DCC: variants seen among roughly 807,000 people sequenced by gnomAD.
DCC encodes the protein netrin receptor DCC.
DCC carries 58 observed loss-of-function variants against 172.5 expected under a neutral mutation model. That is an observed-to-expected ratio of 0.34 (90% confidence interval 0.27 to 0.42). The LOEUF (loss-of-function observed/expected upper bound fraction) is 0.42, where lower values mean the gene tolerates loss of function less well. Among genes scored for constraint, DCC ranks in the 10% least tolerant of loss-of-function variants. The probability of loss-of-function intolerance (pLI) is 1.00; values close to 1 mark genes in which losing one functional copy is unlikely to be tolerated. For missense variants in DCC, 1,740 were observed against 1,791.0 expected, an observed-to-expected ratio of 0.97 and a Z score of 0.51; for synonymous variants, 709 against 644.5, an observed-to-expected ratio of 1.10 and a Z score of -1.52.
intron 1 of DCC, among the ~76,000 whole-genome samples, chr18:52,445,115 A>C (rs906405113): frequency 6.6e-6 from 1 of 152,220 alleles, no homozygotes; most frequent in Non-Finnish European, 1.5e-5. Context: ...TATTAGGAGA[A>C]TAAAAGGAGA....
At chr18:53,089,379 C>G (rs1325310951) in intron 7 of DCC, among the ~76,000 whole-genome samples, 1 of 152,056 alleles carries the variant, frequency 6.6e-6, no homozygotes, top group Non-Finnish European at 1.5e-5. Flanking sequence ...AGCCACTGCA[C>G]CCGGCCGTAC....
At chr18:52,435,905 T>C (rs1987778964) in intron 1 of DCC, among the ~76,000 whole-genome samples, 1 of 152,172 alleles carries the variant, frequency 6.6e-6, no homozygotes, top group African/African-American at 2.4e-5. Flanking sequence ...CAATCAAATA[T>C]ACACAATCCT....
chr18:52,407,760 C>T (rs1033550801), intron 1 of DCC, among the ~76,000 whole-genome samples: 2 of 121,190 alleles, frequency 1.7e-5, no homozygotes, highest in African/African-American at 3.2e-5. Context: ...AATCATAATA[C>T]ATTTATAGAA....
intron 2 of DCC, among the ~76,000 whole-genome samples, chr18:52,784,076 A>ATCC (rs2037606638): frequency 6.6e-6 from 1 of 151,824 alleles, no homozygotes; most frequent in South Asian, 2.1e-4. Flanking sequence ...ACCTCTCTTC[A>ATCC]TCCTCCTCCT....
At chr18:53,237,483 T>C (rs1013092103) in intron 12 of DCC, among the ~76,000 whole-genome samples, 1 of 152,174 alleles carries the variant, frequency 6.6e-6, no homozygotes, top group Non-Finnish European at 1.5e-5. Flanking sequence ...CTTTCATCTT[T>C]GATGGTCACA....
intron 22 of DCC, among the ~76,000 whole-genome samples, chr18:53,437,550 T>A (rs1212292045): frequency 8.9e-6 from 1 of 112,584 alleles, no homozygotes; most frequent in East Asian, 3.0e-4. Context: ...ACCACTACAC[T>A]ACAGCCTGGG....
intron 9 of DCC, among the ~76,000 whole-genome samples, chr18:53,196,331 AT>A (rs1308678527): frequency 1.3e-5 from 2 of 152,200 alleles, no homozygotes; most frequent in African/African-American, 2.4e-5. Flanking sequence ...TACAATTTGC[AT>A]TACTAAGCAT....
intron 5 of DCC, among the ~76,000 whole-genome samples, chr18:53,062,484 T>C (rs1298240061): frequency 2.0e-5 from 3 of 152,150 alleles, no homozygotes; most frequent in African/African-American, 7.2e-5. Context: ...TCAGTCAATA[T>C]AATATTTAAA....
intron 14 of DCC, among the ~76,000 whole-genome samples, chr18:53,330,352 C>T (rs367841994): frequency 6.6e-6 from 1 of 152,144 alleles, no homozygotes; most frequent in African/African-American, 2.4e-5. Context: ...CTCCATTTCA[C>T]TCCCTGTCAA....
At chr18:52,656,000 G>T in intron 1 of DCC, among the ~76,000 whole-genome samples, 1 of 140,092 alleles carries the variant, frequency 7.1e-6, no homozygotes, top group Admixed American at 7.4e-5. Flanking sequence ...ATATATATGT[G>T]CGTATATATA....
intron 3 of DCC, among the ~76,000 whole-genome samples, chr18:52,921,225 C>A (rs1200529131): frequency 6.6e-6 from 1 of 152,082 alleles, no homozygotes; most frequent in Non-Finnish European, 1.5e-5. Context: ...AACAACTATA[C>A]CACATTAGTG....
rs398071060 is a variant in DCC, at chr18:53,404,263, T to TA, written c.2935+1370_2935+1371insA. Among the ~76,000 whole-genome samples the TA allele has an allele frequency of 1.8e-4, 23 of 126,792 alleles. No individual in the cohort carries two copies. In the East Asian group the frequency reaches 4.3e-3, roughly 24 times the overall value. 83.2% of individuals were successfully genotyped at this position (126,792 alleles called of 152,430 possible). A position where few individuals can be genotyped will look rare whatever the true frequency, so the allele number is the denominator to read the frequency against. On this transcript the variant is annotated intron_variant, in intron 19 of 28. Coordinates refer to ENST00000442544, the MANE Select transcript of DCC (RefSeq NM_005215.4). ...AAAAACAGGTTCTGATAGAAAAAGA[T>TA]GTTTTTGGCAAAGGAAAAATAAGTC...
chr18:52,678,613 GC>G (rs1477534592), intron 1 of DCC, among the ~76,000 whole-genome samples: 4 of 152,158 alleles, frequency 2.6e-5, no homozygotes, highest in African/African-American at 9.7e-5. Flanking sequence ...ATGCTCTAAA[GC>G]ATTAGTGTAA....
intron 9 of DCC, among the ~76,000 whole-genome samples, chr18:53,181,016 T>C (rs2055188249): frequency 6.6e-6 from 1 of 152,188 alleles, no homozygotes; most frequent in African/African-American, 2.4e-5. Context: ...AAAAGCAAAT[T>C]AGGTTTTACA....
intron 1 of DCC, among the ~76,000 whole-genome samples, chr18:52,626,469 C>T (rs2034575632): frequency 6.6e-6 from 1 of 151,778 alleles, no homozygotes; most frequent in Non-Finnish European, 1.5e-5. Context: ...TTCTGCCCTA[C>T]TGTAGTCATT....
intron 1 of DCC, among the ~76,000 whole-genome samples, chr18:52,503,360 C>G (rs534879203): frequency 5.3e-5 from 8 of 152,248 alleles, no homozygotes; most frequent in East Asian, 1.9e-4. Flanking sequence ...TATTGCTGAT[C>G]TGAACTGAGT....
At chr18:53,300,997 T>TTCTTTCTTTCTTTCCTTTCTTTCTTTC (rs2057133034) in intron 12 of DCC, among the ~76,000 whole-genome samples, 1 of 12,228 alleles carries the variant, frequency 8.2e-5, no homozygotes, top group African/African-American at 1.3e-4. Flanking sequence ...TTCTTTTTTT[T>TTCTTTCTTTCTTTCCTTTCTTTCTTTC]TCTTTTCTTT....
At chr18:52,459,480 C>G in intron 1 of DCC, among the ~76,000 whole-genome samples, 1 of 151,542 alleles carries the variant, frequency 6.6e-6, no homozygotes, top group Non-Finnish European at 1.5e-5. Flanking sequence ...TTCTTTCTTT[C>G]TTTTTGAAAC....
At chr18:52,376,574 C>T (rs775575574) in intron 1 of DCC, among the ~76,000 whole-genome samples, 4 of 152,028 alleles carry the variant, frequency 2.6e-5, no homozygotes, top group Non-Finnish European at 5.9e-5. Flanking sequence ...AGAAAGTATG[C>T]TCAAAACAAA....
Sources: allele counts gnomAD v4.1 joint callset (sites outside exome capture counted in the v4.1 genomes callset), GRCh38; gene constraint gnomAD v4.1.1; transcripts MANE v1.5; gene names NCBI Gene and HGNC (gene_info 2026-07-23, HGNC 2026-07-21).